UST: variants seen among roughly 807,000 people sequenced by gnomAD.
UST encodes uronyl 2-sulfotransferase.
Under a neutral mutation model 45.6 loss-of-function variants are expected in UST, and 21 were observed. That is an observed-to-expected ratio of 0.46 (90% CI 0.33 to 0.66). The LOEUF is 0.66. Among genes scored for constraint, UST ranks in the 30% least tolerant of loss-of-function variants. The probability of loss-of-function intolerance (pLI) is 0.02; values close to 1 mark genes in which losing one functional copy is unlikely to be tolerated. For missense variants in UST, 463 were observed against 512.4 expected, an observed-to-expected ratio of 0.90 and a Z score of 0.93; for synonymous variants, 215 against 200.6, an observed-to-expected ratio of 1.07 and a Z score of -0.61.
intron 1 of UST, among the ~76,000 whole-genome samples, chr6:148,858,683 T>G (rs1000780803): frequency 1.3e-5 from 2 of 152,058 alleles, no homozygotes; most frequent in African/African-American, 2.4e-5. Context: ...GCGTGTGATG[T>G]TCCCCACCCT....
chr6:148,798,859 T>G (rs146889006), intron 1 of UST, among the ~76,000 whole-genome samples: 4 of 88,608 alleles, frequency 4.5e-5, no homozygotes, highest in South Asian at 5.2e-4. Context: ...AGGATTTATT[T>G]ATTTATTTAT....
At chr6:149,019,700 C>A (rs1285019152) in intron 6 of UST, among the ~76,000 whole-genome samples, 1 of 152,162 alleles carries the variant, frequency 6.6e-6, no homozygotes, top group African/African-American at 2.4e-5. Flanking sequence ...CACCTCAATC[C>A]CATAGTGGAT....
chr6:149,029,680 G>A (rs1296129143), intron 7 of UST, among the ~76,000 whole-genome samples: 1 of 151,812 alleles, frequency 6.6e-6, no homozygotes, highest in Admixed American at 6.6e-5. Context: ...TACAATGATG[G>A]TTAGGAGGAA....
At chr6:148,879,952 CTTTT>C (rs766758383) in intron 1 of UST, among the ~76,000 whole-genome samples, 1 of 119,854 alleles carries the variant, frequency 8.3e-6, no homozygotes, top group Non-Finnish European at 1.8e-5. Flanking sequence ...TTTTTTTTTT[CTTTT>C]TTTTTTTTTT....
chr6:149,015,229 G>C (rs1049866053), intron 5 of UST, among the ~76,000 whole-genome samples: 1 of 152,150 alleles, frequency 6.6e-6, no homozygotes, highest in Admixed American at 6.5e-5. Context: ...GGAAAAAGAC[G>C]AGCCCACAAA....
chr6:148,956,194 G>C (rs1780496364), intron 4 of UST: 1 of 152,624 alleles, frequency 6.6e-6, no homozygotes, highest in Non-Finnish European at 1.5e-5. Context: ...CTACCATATA[G>C]GGATGCTCTG....
At chr6:148,851,324 A>T (rs1175198736) in intron 1 of UST, among the ~76,000 whole-genome samples, 2 of 152,186 alleles carry the variant, frequency 1.3e-5, no homozygotes, top group Non-Finnish European at 1.5e-5. Context: ...GTTTTTACTG[A>T]TGATAAAATG....
chr6:148,842,387 A>G (rs1777907488), intron 1 of UST, among the ~76,000 whole-genome samples: 1 of 152,194 alleles, frequency 6.6e-6, no homozygotes, highest in South Asian at 2.1e-4. Flanking sequence ...GTCTTACACC[A>G]ATCATTATTT....
chr6:148,880,712 C>T (rs558391732), intron 1 of UST, among the ~76,000 whole-genome samples: 4 of 152,276 alleles, frequency 2.6e-5, no homozygotes, highest in Non-Finnish European at 4.4e-5. Context: ...TCTGAGATCA[C>T]TTGCCTTCTA....
intron 5 of UST, among the ~76,000 whole-genome samples, chr6:148,974,975 A>G (rs1449749837): frequency 1.3e-5 from 2 of 152,250 alleles, no homozygotes; most frequent in Non-Finnish European, 2.9e-5. Context: ...CTTGGATAAG[A>G]CTTGTAGAAA....
At chr6:148,752,832 C>T (rs959135573) in intron 1 of UST, among the ~76,000 whole-genome samples, 6 of 152,118 alleles carry the variant, frequency 3.9e-5, no homozygotes, top group Non-Finnish European at 5.9e-5. Flanking sequence ...ACAATGAAAA[C>T]GCATCTTATT....
intron 5 of UST, among the ~76,000 whole-genome samples, chr6:148,991,125 T>C (rs1265485328): frequency 6.6e-6 from 1 of 152,212 alleles, no homozygotes; most frequent in Non-Finnish European, 1.5e-5. Context: ...ATGCTATTTA[T>C]GTCAAGAATC....
At chr6:148,830,149 G>C (rs1265467516) in intron 1 of UST, among the ~76,000 whole-genome samples, 2 of 152,096 alleles carry the variant, frequency 1.3e-5, no homozygotes, top group Non-Finnish European at 2.9e-5. Context: ...TCCCTTAATA[G>C]AGTGACTTAC....
chr6:148,923,865 G>A (rs1779763030), intron 2 of UST, among the ~76,000 whole-genome samples: 1 of 152,210 alleles, frequency 6.6e-6, no homozygotes, highest in African/African-American at 2.4e-5. Flanking sequence ...CGGGGTTCCT[G>A]TTTTCAGCTG....
In UST at chr6:149,076,286, A is replaced by G. The variant is rs1462921785; in HGVS notation, c.*2170A>G. The G allele has an allele frequency of 2.0e-5, 3 of 152,246 alleles. No individual in the cohort carries two copies. Among genetic ancestry groups the G allele is most frequent in the African/African-American group, 7.2e-5 (3 of 41,464 alleles). The allele number at this position is 152,246 out of a possible 1,614,324, so 9.4% of individuals were successfully genotyped here. A position where few individuals can be genotyped will look rare whatever the true frequency, so the allele number is the denominator to read the frequency against. ...CTGTGAGTCATTTCTATGAAATTCCATATAAAGAATGATGATAAGTTTACA... is the reference window on the plus strand; with the variant it reads ...CTGTGAGTCATTTCTATGAAATTCCGTATAAAGAATGATGATAAGTTTACA... On this transcript the variant is annotated 3_prime_UTR_variant, in exon 8 of 8. Transcript: ENST00000367463.
chr6:148,970,615 T>C (rs1780896360), intron 5 of UST, among the ~76,000 whole-genome samples: 1 of 152,136 alleles, frequency 6.6e-6, no homozygotes, highest in Non-Finnish European at 1.5e-5. Context: ...AGGAAACGAA[T>C]GCCAGGCAGA....
At position 148,800,455 on chromosome 6, in the gene UST, T is replaced by C. The variant is rs147971207; in HGVS notation, c.247+52778T>C. ...CTTTTTATGCAGGAAAAGAACTTCC[T>C]TCCCCTTATTTATTTAAGAATCTGG... On this transcript the variant is annotated intron_variant, in intron 1 of 7. Transcript: ENST00000367463. Among the ~76,000 whole-genome samples, 1,057 of 152,328 alleles carry C rather than the reference T, an allele frequency of 6.9e-3. 20 individuals carry two copies. Among genetic ancestry groups the C allele is most frequent in the African/African-American group, 0.024 (998 of 41,560 alleles).
rs571509103 is a variant in UST, at chr6:148,764,589, GA to G, written c.247+16913del. On this transcript the variant is annotated intron_variant, in intron 1 of 7. Coordinates refer to ENST00000367463, the MANE Select transcript of UST (RefSeq NM_005715.3). ...AGAAATAAAGGGAAAGAGTACAAAA[GA>G]GAGAAATTTTAAAGCTGGGTGTCCG... Among the ~76,000 whole-genome samples, 20 of 152,268 alleles carry G rather than the reference GA, an allele frequency of 1.3e-4. No individual in the cohort carries two copies. In the South Asian group the frequency reaches 2.7e-3, roughly 21 times the overall value.
chr6:149,005,471 C>T (rs1781628219), intron 5 of UST: 2 of 985,338 alleles, frequency 2.0e-6, no homozygotes, highest in Non-Finnish European at 2.4e-6. Flanking sequence ...TGCCTCTCAC[C>T]AAATTGACAG....
Sources: gnomAD v4.1 joint callset for allele counts (sites outside exome capture counted in the v4.1 genomes callset) on GRCh38, gnomAD v4.1.1 for gene constraint, MANE v1.5 for transcripts, NCBI Gene and HGNC (gene_info 2026-07-23, HGNC 2026-07-21) for gene names.